SORBS2: variants seen among roughly 807,000 people sequenced by gnomAD.
SORBS2 encodes the protein sorbin and SH3 domain containing 2.
A neutral mutation model predicts 97.7 loss-of-function variants in SORBS2; 46 were observed. The observed-to-expected ratio is 0.47, with a 90% CI of 0.37 to 0.60. The LOEUF (loss-of-function observed/expected upper bound fraction) is 0.60. SORBS2 is among the 20% of genes least tolerant of loss of function. The pLI, the probability that SORBS2 is intolerant of heterozygous loss-of-function variation, is 0.00. For synonymous variants in SORBS2, 476 were observed against 473.4 expected (o/e 1.01, Z -0.07); for missense variants, 1,316 against 1,282.3 (o/e 1.03, Z -0.40).
At chr4:185,680,087 A>G (rs2097848852) in intron 2 of SORBS2, among the ~76,000 whole-genome samples, 1 of 152,240 alleles carries the variant, frequency 6.6e-6, no homozygotes, top group Non-Finnish European at 1.5e-5. Flanking sequence ...GGAGTAATAA[A>G]ATGGGTACCA....
intron 1 of SORBS2, among the ~76,000 whole-genome samples, chr4:185,908,277 CTATATATATATATATATATATATATATA>C (rs66526913): frequency 2.2e-4 from 20 of 89,528 alleles, no homozygotes; most frequent in East Asian, 3.8e-4. Context: ...CATGCAAAGG[CTATATATATATATATATATATATATATA>C]TATATATATA....
chr4:185,674,035 C>T (rs577925433), intron 4 of SORBS2, among the ~76,000 whole-genome samples: 38 of 152,312 alleles, frequency 2.5e-4, no homozygotes, highest in African/African-American at 7.7e-4. Context: ...CCCCTTTTCT[C>T]TGTCCTTCCC....
At chr4:185,784,526 C>T (rs62335683) in intron 1 of SORBS2, among the ~76,000 whole-genome samples, 60,230 of 151,884 alleles carry the variant, frequency 0.4, 12,641 homozygotes, top group Middle Eastern at 0.48. Context: ...GATGATACAG[C>T]GATGGAGAGA....
Position 185,751,190 on chromosome 4 carries a change from A to AAAAAAAAAAAAAAAAAAAAAAAAAAG in SORBS2, c.-198+24036_-198+24037insCTTTTTTTTTTTTTTTTTTTTTTTTT. ...TAAATACTAAAAAAAAAAAAAAAAA[A>AAAAAAAAAAAAAAAAAAAAAAAAAAG]AGAGAAAGAGAGAGAAATTCAGGAA... On this transcript the variant is annotated intron_variant, in intron 2 of 20. Transcript: ENST00000284776. Among the ~76,000 whole-genome samples, 180 of 86,410 alleles carry AAAAAAAAAAAAAAAAAAAAAAAAAAG rather than the reference A, an allele frequency of 2.1e-3. 45 individuals are homozygous for AAAAAAAAAAAAAAAAAAAAAAAAAAG. Among genetic ancestry groups the AAAAAAAAAAAAAAAAAAAAAAAAAAG allele is most frequent in the Non-Finnish European group, 3.2e-3 (128 of 39,650 alleles). The allele number at this position is 86,410 out of a possible 152,430, so 56.7% of individuals were successfully genotyped here. A position where few individuals can be genotyped will look rare whatever the true frequency, so the allele number is the denominator to read the frequency against.
chr4:185,631,346 G>GATAT (rs372675401), intron 4 of SORBS2, among the ~76,000 whole-genome samples: 39 of 152,196 alleles, frequency 2.6e-4, no homozygotes, highest in African/African-American at 8.9e-4. Context: ...AAGCAAAAAT[G>GATAT]ATAATATGAA....
At position 185,911,258 on chromosome 4, in the gene SORBS2, C is replaced by T. The variant is rs10034273; in HGVS notation, c.-338+44938G>A. On this transcript the variant is annotated intron_variant, in intron 1 of 20. Transcript: ENST00000284776. Reference sequence around the variant, plus strand: ...TTCTTTTCTTTTCGAGACAGAGTCTCGCTCTGTCACCCAGGCTGGAGTGCA... The same window carrying T: ...TTCTTTTCTTTTCGAGACAGAGTCTTGCTCTGTCACCCAGGCTGGAGTGCA... Among the ~76,000 whole-genome samples the T allele has an allele frequency of 4.4e-3, 669 of 152,222 alleles. 6 individuals are homozygous for T. The highest frequency in any genetic ancestry group is 0.015 in the African/African-American group (640 of 41,524).
At chr4:185,874,792 C>T (rs1440368986) in intron 1 of SORBS2, among the ~76,000 whole-genome samples, 1 of 148,002 alleles carries the variant, frequency 6.8e-6, no homozygotes, top group Non-Finnish European at 1.5e-5. Context: ...TTGCTCCTAA[C>T]ATAGGAACGA....
At chr4:185,834,713 T>G (rs1337780502) in intron 1 of SORBS2, among the ~76,000 whole-genome samples, 5 of 152,228 alleles carry the variant, frequency 3.3e-5, no homozygotes, top group Non-Finnish European at 7.3e-5. Context: ...AAGTGATTTT[T>G]AATTAATATT....
At chr4:185,677,046 C>T in intron 4 of SORBS2, 1 of 1,551,384 alleles carries the variant, frequency 6.4e-7, no homozygotes, top group South Asian at 1.2e-5. Flanking sequence ...AGATTTTTGT[C>T]TCTCTTGCTG....
chr4:185,908,282 T>C (rs2099252346), intron 1 of SORBS2, among the ~76,000 whole-genome samples: 1 of 13,678 alleles, frequency 7.3e-5, no homozygotes, highest in Non-Finnish European at 1.6e-4. Context: ...AAAGGCTATA[T>C]ATATATATAT....
chr4:185,603,942 C>A (rs1207073034), intron 12 of SORBS2, among the ~76,000 whole-genome samples: 1 of 152,092 alleles, frequency 6.6e-6, no homozygotes, highest in African/African-American at 2.4e-5. Context: ...ACAGTCAATG[C>A]CAAAGATCAT....
chr4:185,654,322 T>A (rs937249313), intron 1 of SORBS2, among the ~76,000 whole-genome samples: 2 of 152,234 alleles, frequency 1.3e-5, no homozygotes, highest in Non-Finnish European at 2.9e-5. Flanking sequence ...GACTGATTTC[T>A]CTTTCATTAA....
chr4:185,854,567 A>T (rs1332014508), intron 1 of SORBS2, among the ~76,000 whole-genome samples: 2 of 152,216 alleles, frequency 1.3e-5, no homozygotes, highest in Admixed American at 1.3e-4. Flanking sequence ...TTGTCAAAAG[A>T]TGACAAAGCG....
chr4:185,674,892 T>C (rs1295609091), intron 4 of SORBS2, among the ~76,000 whole-genome samples: 1 of 152,218 alleles, frequency 6.6e-6, no homozygotes, highest in Non-Finnish European at 1.5e-5. Flanking sequence ...CTACTTTGCA[T>C]GGCATAACTC....
At chr4:185,814,723 G>A (rs1444672838) in intron 1 of SORBS2, among the ~76,000 whole-genome samples, 1 of 152,190 alleles carries the variant, frequency 6.6e-6, no homozygotes, top group East Asian at 1.9e-4. Flanking sequence ...TGGGAAGCTG[G>A]CAGGAACTGA....
intron 1 of SORBS2, among the ~76,000 whole-genome samples, chr4:185,827,069 C>CTAT (rs2099200401): frequency 1.4e-5 from 2 of 141,806 alleles, no homozygotes; most frequent in African/African-American, 2.6e-5. Context: ...ATCATCATCA[C>CTAT]CATCATCATC....
chr4:185,706,276 T>C (rs183121444), intron 2 of SORBS2, among the ~76,000 whole-genome samples: 2 of 152,370 alleles, frequency 1.3e-5, no homozygotes, highest in Non-Finnish European at 2.9e-5. Flanking sequence ...ATATTCATTT[T>C]AGAAAAATTC....
At chr4:185,731,862 CTCTCTA>C (rs1429139240) in intron 2 of SORBS2, among the ~76,000 whole-genome samples, 56 of 30,558 alleles carry the variant, frequency 1.8e-3, no homozygotes, top group South Asian at 3.2e-3. Flanking sequence ...CTCTCTCTCT[CTCTCTA>C]TATATATATA....
At chr4:185,695,495 C>A (rs1460766355) in intron 2 of SORBS2, among the ~76,000 whole-genome samples, 1 of 111,418 alleles carries the variant, frequency 9.0e-6, no homozygotes, top group East Asian at 2.3e-4. Flanking sequence ...GAAAACATTG[C>A]AGGATGTTAG....
Sources: gnomAD v4.1 joint callset for allele counts (sites outside exome capture counted in the v4.1 genomes callset) on GRCh38, gnomAD v4.1.1 for gene constraint, MANE v1.5 for transcripts, NCBI Gene and HGNC (gene_info 2026-07-23, HGNC 2026-07-21) for gene names.